Variants in PRKAR2A observed in about 807,000 individuals in gnomAD.
PRKAR2A encodes cAMP-dependent protein kinase type II-alpha regulatory subunit.
PRKAR2A carries 29 observed loss-of-function variants against 51.9 expected under a neutral mutation model. The observed-to-expected ratio is 0.56, with a 90% CI of 0.42 to 0.76. The LOEUF is 0.76. PRKAR2A is among the 30% of genes least tolerant of loss of function. The pLI, the probability that PRKAR2A is intolerant of heterozygous loss-of-function variation, is 0.00. For missense variants in PRKAR2A, 445 were observed against 512.1 expected (o/e 0.87, Z 1.26); for synonymous variants, 178 against 186.2 (o/e 0.96, Z 0.36).
intron 4 of PRKAR2A, among the ~76,000 whole-genome samples, chr3:48,785,237 G>A (rs1237547975): frequency 4.0e-5 from 6 of 150,136 alleles, no homozygotes; most frequent in East Asian, 3.9e-4. Flanking sequence ...GATTATAGGC[G>A]CATGCCACCA....
intron 1 of PRKAR2A, among the ~76,000 whole-genome samples, chr3:48,842,038 T>C (rs2083389030): frequency 1.3e-5 from 2 of 152,170 alleles, no homozygotes; most frequent in South Asian, 2.1e-4. Context: ...ATTCTTCCTA[T>C]CCATGAGCAT....
intron 6 of PRKAR2A, among the ~76,000 whole-genome samples, chr3:48,768,527 G>A (rs192677628): frequency 6.1e-5 from 9 of 148,182 alleles, no homozygotes; most frequent in African/African-American, 1.0e-4. Context: ...GTGAAATCTC[G>A]TGTCTACTAC....
chr3:48,752,668 AAC>A (rs1185391403), intron 9 of PRKAR2A, among the ~76,000 whole-genome samples: 1 of 152,096 alleles, frequency 6.6e-6, no homozygotes, highest in Non-Finnish European at 1.5e-5. Context: ...CGCCTTGAAC[AAC>A]ATTTTACAGT....
intron 1 of PRKAR2A, among the ~76,000 whole-genome samples, chr3:48,815,142 G>A (rs957609279): frequency 2.0e-5 from 3 of 151,956 alleles, no homozygotes; most frequent in South Asian, 2.1e-4. Flanking sequence ...TTGAACTCCC[G>A]ACCTCAGGTG....
At chr3:48,756,986 G>A (rs1484979289) in intron 8 of PRKAR2A, among the ~76,000 whole-genome samples, 1 of 152,182 alleles carries the variant, frequency 6.6e-6, no homozygotes, top group Non-Finnish European at 1.5e-5. Flanking sequence ...ACAAAGGGGT[G>A]CCTGTGGGTT....
At chr3:48,846,661 A>AT (rs1187172017) in intron 1 of PRKAR2A, among the ~76,000 whole-genome samples, 1 of 152,222 alleles carries the variant, frequency 6.6e-6, no homozygotes, top group Non-Finnish European at 1.5e-5. Context: ...CGGCAAGATA[A>AT]TTATTTACTC....
downstream of PRKAR2A, among the ~76,000 whole-genome samples, chr3:48,745,510 G>A (rs2081553997): frequency 1.3e-5 from 2 of 150,590 alleles, no homozygotes. Flanking sequence ...GTTTCTGTGA[G>A]GGTGTTTTTG....
At chr3:48,801,888 A>T (rs1273019460) in intron 2 of PRKAR2A, among the ~76,000 whole-genome samples, 1 of 151,734 alleles carries the variant, frequency 6.6e-6, no homozygotes, top group African/African-American at 2.4e-5. Flanking sequence ...GGCATGTGCC[A>T]GCTAACTTTG....
rs540174903 is a variant in PRKAR2A, at chr3:48,789,332, C to T, written c.435+1212G>A. 1.3e-3 allele frequency among the ~76,000 whole-genome samples: 195 copies of T among 152,270 alleles called. No homozygotes were observed. In the Middle Eastern group the frequency reaches 0.024, roughly 19 times the overall value. The stretch of plus-strand genomic sequence containing the variant: ...TACTGATGTCAATTGGAACACATTT[C>T]TGTTCCACCCACAAATGTAATGCCT... On this transcript the variant is annotated intron_variant, in intron 4 of 10. Transcript: ENST00000265563.
rs1327549332 is a variant in PRKAR2A, at chr3:48,773,042, A to G, written c.609T>C (p.Arg203=). ...QTRSVGQYDN[R]GSFGELALMY... ...TCAGAGCTAGTTCTCCAAAACTGCC[A>G]CGGTTGTCATATTGACCAACAGAGC... Residue 203 remains arginine, a synonymous_variant, in exon 6 of 11, where the codon CGT becomes CGC. Transcript: ENST00000265563. The G allele has an allele frequency of 1.9e-6, 3 of 1,613,968 alleles. No individual in the cohort carries two copies. Among genetic ancestry groups the G allele is most frequent in the Non-Finnish European group, 2.5e-6 (3 of 1,179,884 alleles).
intron 1 of PRKAR2A, among the ~76,000 whole-genome samples, chr3:48,828,708 C>CAAAAAAAAA (rs547132768): frequency 2.5e-4 from 21 of 83,180 alleles, no homozygotes; most frequent in South Asian, 4.9e-4. Flanking sequence ...CCCCTGTCTC[C>CAAAAAAAAA]AAAAAAAAAA....
chr3:48,797,680 A>G (rs916023928), intron 2 of PRKAR2A, among the ~76,000 whole-genome samples: 3 of 152,162 alleles, frequency 2.0e-5, no homozygotes, highest in East Asian at 3.8e-4. Context: ...CCTAAAACAC[A>G]TAAGAGAAAA....
intron 4 of PRKAR2A, among the ~76,000 whole-genome samples, chr3:48,788,303 A>G (rs955269942): frequency 9.9e-5 from 15 of 152,228 alleles, no homozygotes; most frequent in African/African-American, 2.9e-4. Context: ...TGCTGGAATT[A>G]CAGGTGTGAG....
chr3:48,843,687 C>G (rs1179390270), intron 1 of PRKAR2A, among the ~76,000 whole-genome samples: 5 of 152,084 alleles, frequency 3.3e-5, no homozygotes, highest in Non-Finnish European at 7.4e-5. Context: ...CTCCGCATAT[C>G]TACAACTATC....
chr3:48,804,748 A>C (rs2082647705), intron 2 of PRKAR2A, among the ~76,000 whole-genome samples: 1 of 152,126 alleles, frequency 6.6e-6, no homozygotes, highest in South Asian at 2.1e-4. Flanking sequence ...AGTAGGGTGG[A>C]CAACTGGAGG....
At chr3:48,795,628 C>T (rs2082479406) in intron 2 of PRKAR2A, among the ~76,000 whole-genome samples, 1 of 152,158 alleles carries the variant, frequency 6.6e-6, no homozygotes, top group African/African-American at 2.4e-5. Flanking sequence ...CCTCCACCTC[C>T]CTGTTTCAAG....
At chr3:48,782,824 C>T (rs1167785566) in intron 5 of PRKAR2A, among the ~76,000 whole-genome samples, 162 bp downstream of exon 5, 1 of 152,192 alleles carries the variant, frequency 6.6e-6, no homozygotes, top group Non-Finnish European at 1.5e-5. Context: ...CAGGACAGCA[C>T]TGGTAGAGAG....
In PRKAR2A at chr3:48,796,669, G is replaced by GA. The variant is rs1264041197; in HGVS notation, c.299-2621_299-2620insT. 2.4e-3 allele frequency among the ~76,000 whole-genome samples: 234 copies of GA among 97,190 alleles called. 2 individuals are homozygous for GA. Among genetic ancestry groups the GA allele is most frequent in the African/African-American group, 7.9e-3 (221 of 28,138 alleles). 63.8% of individuals were successfully genotyped at this position (97,190 alleles called of 152,430 possible). On this transcript the variant is annotated intron_variant, in intron 2 of 10. Coordinates refer to ENST00000265563, the MANE Select transcript of PRKAR2A (RefSeq NM_004157.4). Reference sequence around the variant, plus strand: ...ATTTTTATATTTTTAGTAGAGACGGGGTTTTTTTTTTTTTTTTGCCATGTT... The same window carrying GA: ...ATTTTTATATTTTTAGTAGAGACGGGAGTTTTTTTTTTTTTTTTGCCATGTT...
intron 2 of PRKAR2A, among the ~76,000 whole-genome samples, chr3:48,798,572 C>CA (rs1559627357): frequency 6.6e-6 from 1 of 151,314 alleles, no homozygotes; most frequent in African/African-American, 2.4e-5. Context: ...TAGAATAATA[C>CA]ATTAAAAAAA....
Sources: allele counts gnomAD v4.1 joint callset (sites outside exome capture counted in the v4.1 genomes callset), GRCh38; gene constraint gnomAD v4.1.1; transcripts MANE v1.5; gene names NCBI Gene and HGNC (gene_info 2026-07-23, HGNC 2026-07-21).